The following ZAP70 variants were observed in gnomAD, a reference collection of about 807,000 sequenced individuals.
ZAP70 encodes the protein tyrosine-protein kinase ZAP-70.
In ZAP70, 27 loss-of-function variants were observed where a neutral mutation model predicts 65.8. That is an observed-to-expected ratio of 0.41 (90% CI 0.30 to 0.57). ZAP70 has a LOEUF of 0.57. Ranked by LOEUF, ZAP70 falls within the 20% of genes least tolerant of loss-of-function variation. The pLI is 0.28. For synonymous variants in ZAP70, 363 were observed against 360.8 expected (o/e 1.01, Z -0.07); for missense variants, 696 against 870.5 (o/e 0.80, Z 2.52).
intron 4 of ZAP70, among the ~76,000 whole-genome samples, chr2:97,726,133 G>C (rs1337813663): frequency 1.3e-5 from 2 of 152,032 alleles, no homozygotes; most frequent in East Asian, 3.9e-4. Flanking sequence ...ACTGACATAG[G>C]AAAAATGCGG....
chr2:97,751,366 C>G, the ZAP70 span, among the ~76,000 whole-genome samples: 1 of 152,044 alleles, frequency 6.6e-6, no homozygotes, highest in Non-Finnish European at 1.5e-5. Flanking sequence ...CATGTAGAAT[C>G]TAAGATGGGA....
downstream of ZAP70, among the ~76,000 whole-genome samples, chr2:97,742,589 CTT>C (rs372320140): frequency 1.3e-5 from 2 of 152,394 alleles, no homozygotes; most frequent in African/African-American, 4.8e-5. Context: ...AAATTTCTCT[CTT>C]CTCTGTTGGA....
At chr2:97,748,384 T>C in the ZAP70 span, among the ~76,000 whole-genome samples, 112 of 152,326 alleles carry the variant, frequency 7.4e-4, no homozygotes, top group African/African-American at 2.5e-3. Flanking sequence ...TTGTTTTTTT[T>C]AAGAAGTCAT....
At chr2:97,717,392 G>A (rs1676974161) in intron 2 of ZAP70, among the ~76,000 whole-genome samples, 1 of 144,396 alleles carries the variant, frequency 6.9e-6, no homozygotes, top group Admixed American at 6.7e-5. Flanking sequence ...CCTCTGGCTG[G>A]GGGGACATGC....
rs202052806 is a variant in ZAP70 at position 97,737,942 on chromosome 2, A to G, written c.1623+45A>G. ...GGTGGGCGGTGTGGTGGGGAGGGGG[A>G]TGAGGAGGAGGACACTGGTCACTCA... On this transcript the variant is annotated intron_variant, in intron 12 of 13. Coordinates refer to ENST00000264972, the MANE Select transcript of ZAP70 (RefSeq NM_001079.4). This position sits in a 1 kb window ranked among gnomAD's most constrained non-coding sequence, Gnocchi z 5.0. The G allele has an allele frequency of 1.3e-5, 21 of 1,613,738 alleles. No individual in the cohort carries two copies. The African/African-American group carries it at 2.3e-4, about 17-fold the overall frequency.
chr2:97,736,848 T>C lies in ZAP70; in HGVS notation c.1290-625T>C, dbSNP rs190172408. Among the ~76,000 whole-genome samples the C allele has an allele frequency of 1.3e-5, 2 of 151,522 alleles. No homozygotes were observed. Among genetic ancestry groups the C allele is most frequent in the Admixed American group, 1.3e-4 (2 of 15,230 alleles). ...GAGGACTTGGAGTTTTACCCTGAGTTGGGTGGGAGCTAGGGGGTGCTGTGA... is the reference window on the plus strand; with the variant it reads ...GAGGACTTGGAGTTTTACCCTGAGTCGGGTGGGAGCTAGGGGGTGCTGTGA... On this transcript the variant is annotated intron_variant, in intron 10 of 13. Coordinates refer to ENST00000264972, the MANE Select transcript of ZAP70 (RefSeq NM_001079.4). The surrounding 1 kb of genome is among the most constrained non-coding windows in gnomAD (Gnocchi z 4.0).
rs560589019 is a variant in ZAP70, at chr2:97,733,730, G to A, written c.889+135G>A. The A allele has an allele frequency of 1.2e-4, 117 of 1,009,984 alleles. No homozygotes were observed. In the African/African-American group the frequency reaches 1.5e-3, roughly 13 times the overall value. 62.6% of individuals were successfully genotyped at this position (1,009,984 alleles called of 1,614,324 possible). On this transcript the variant is annotated intron_variant, in intron 8 of 13. Transcript: ENST00000264972. ...GTGGCAGTTGGCTTGGTTAACACCTGTGCACACATGTGCCCACACCCATCA... is the reference window on the plus strand; with the variant it reads ...GTGGCAGTTGGCTTGGTTAACACCTATGCACACATGTGCCCACACCCATCA...
downstream of ZAP70, among the ~76,000 whole-genome samples, chr2:97,744,813 C>A (rs1015013042): frequency 4.6e-5 from 7 of 152,132 alleles, no homozygotes; most frequent in Non-Finnish European, 1.0e-4. Flanking sequence ...AAAGTCAGAC[C>A]TCTATCTCAC....
rs1446275557 is a variant in ZAP70, at chr2:97,737,458, TC to T, written c.1290-11del. 1 of 1,613,680 alleles carries T rather than the reference TC, an allele frequency of 6.2e-7. No homozygotes were observed. Among genetic ancestry groups the T allele is most frequent in the Non-Finnish European group, 8.5e-7 (1 of 1,179,880 alleles). On this transcript the variant is annotated splice_polypyrimidine_tract_variant and intron_variant, in intron 10 of 13. Coordinates refer to ENST00000264972, the MANE Select transcript of ZAP70 (RefSeq NM_001079.4). The surrounding 1 kb of genome is among the most constrained non-coding windows in gnomAD (Gnocchi z 5.0). ...AGTCTTCTCCCAGCTGACCCCGCCT[TC>T]CCCGCCACCCCAGGGAGGAGATCCC... is the stretch of plus-strand genomic sequence containing the variant.
chr2:97,726,635 A>G (rs778648454), intron 4 of ZAP70, among the ~76,000 whole-genome samples: 3 of 152,264 alleles, frequency 2.0e-5, no homozygotes, highest in Admixed American at 6.5e-5. Flanking sequence ...GGCCTCTTGC[A>G]AGATGCAGCT....
Position 97,737,523 on chromosome 2 carries a change from T to G in ZAP70, c.1340T>G (p.Met447Arg). The change falls in exon 11 of 14, where the codon ATG becomes AGG. Residue 447 changes from methionine to arginine, a missense_variant. Around this residue, in one of 3 missense-constraint regions of ZAP70, gnomAD observed 551 missense variants for 630.0 expected, o/e 0.87. Transcript: ENST00000264972. The surrounding 1 kb of genome is among the most constrained non-coding windows in gnomAD (Gnocchi z 5.0). ...NVAELLHQVS[M>R]GMKYLEEKNF... is the part of the protein sequence containing the mutation. ...GCCGAGCTGCTGCACCAGGTGTCCA[T>G]GGGGATGAAGTACCTGGAGGAGAAG... The G allele has an allele frequency of 6.2e-7, 1 of 1,614,050 alleles. No individual in the cohort carries two copies. The highest frequency in any genetic ancestry group is 8.5e-7 in the Non-Finnish European group (1 of 1,179,968).
chr2:97,714,258 C>T (rs1676822591), intron 2 of ZAP70, among the ~76,000 whole-genome samples: 1 of 152,032 alleles, frequency 6.6e-6, no homozygotes, highest in Non-Finnish European at 1.5e-5. Context: ...TCCCTGGGCT[C>T]CTGCTGGGCC....
chr2:97,735,692 G>A (rs188542875), intron 10 of ZAP70, among the ~76,000 whole-genome samples: 2 of 152,226 alleles, frequency 1.3e-5, no homozygotes, highest in Admixed American at 6.5e-5. Flanking sequence ...GGGCCTTTGC[G>A]AGGATCGAAT....
chr2:97,723,892 C>T (rs1677258866), intron 2 of ZAP70, 124 bp from the exon 3 acceptor site: 1 of 1,103,888 alleles, frequency 9.1e-7, no homozygotes, highest in Non-Finnish European at 1.3e-6. Flanking sequence ...AGGCTCTGCC[C>T]CCTTGGCGAG....
At chr2:97,721,081 G>A (rs72951140) in intron 2 of ZAP70, among the ~76,000 whole-genome samples, 4 of 152,166 alleles carry the variant, frequency 2.6e-5, no homozygotes, top group South Asian at 2.1e-4. Context: ...ACTCAGAACC[G>A]CTATGGAGAG....
chr2:97,721,929 A>G (rs1258628895), intron 2 of ZAP70, among the ~76,000 whole-genome samples: 1 of 150,302 alleles, frequency 6.7e-6, no homozygotes, highest in Non-Finnish European at 1.5e-5. Flanking sequence ...AATTACAGGC[A>G]CCTGCCACCA....
intron 2 of ZAP70, among the ~76,000 whole-genome samples, chr2:97,718,548 C>A (rs966705465): frequency 6.6e-6 from 1 of 152,108 alleles, no homozygotes; most frequent in African/African-American, 2.4e-5. Flanking sequence ...CTTGTGATTA[C>A]CGTTGTCCTT....
At chr2:97,720,411 A>G (rs1469485995) in intron 2 of ZAP70, among the ~76,000 whole-genome samples, 4 of 151,986 alleles carry the variant, frequency 2.6e-5, no homozygotes, top group Admixed American at 2.6e-4. Flanking sequence ...TGTATTTTTA[A>G]TAGAGACGGG....
intron 2 of ZAP70, among the ~76,000 whole-genome samples, chr2:97,721,907 C>T (rs955323735): frequency 1.3e-5 from 2 of 151,714 alleles, no homozygotes; most frequent in Non-Finnish European, 2.9e-5. Context: ...CTTCAGCCTC[C>T]CGAGTAGCTG....
Sources: allele counts gnomAD v4.1 joint callset (sites outside exome capture counted in the v4.1 genomes callset), GRCh38; gene constraint gnomAD v4.1.1; regional missense constraint gnomAD v4.1.1; non-coding constraint Gnocchi (gnomAD v3.1); transcripts MANE v1.5; gene names NCBI Gene and HGNC (gene_info 2026-07-23, HGNC 2026-07-21).